SYNE1: variants seen among roughly 807,000 people sequenced by gnomAD.
SYNE1 encodes the protein nesprin-1.
SYNE1 carries 616 observed loss-of-function variants against 1,111.0 expected under a neutral mutation model. That is an observed-to-expected ratio of 0.55 (90% CI 0.52 to 0.59). The LOEUF is 0.59. SYNE1 is among the 20% of genes least tolerant of loss of function. The probability of loss-of-function intolerance (pLI) is 0.00; values close to 1 mark genes in which losing one functional copy is unlikely to be tolerated. For synonymous variants in SYNE1, 3,855 were observed against 3,825.8 expected (o/e 1.01, Z -0.28); for missense variants, 10,006 against 10,417.0 (o/e 0.96, Z 1.72).
chr6:152,390,499 CTTCTATTTT>C, intron 52 of SYNE1, 47 bp from the exon 53 acceptor site: 1 of 1,592,614 alleles, frequency 6.3e-7, no homozygotes, highest in Admixed American at 1.7e-5. Flanking sequence ...TAAAAACCTT[CTTCTATTTT>C]AAAAAAATGG....
intron 87 of SYNE1, among the ~76,000 whole-genome samples, chr6:152,314,917 A>ACCTCG (rs879886989): frequency 0.46 from 59,515 of 128,580 alleles, 13,819 homozygotes; most frequent in Admixed American, 0.57. Flanking sequence ...GCTCACTGCA[A>ACCTCG]TGATGACGAG....
At chr6:152,337,239 AT>A (rs1401515070) in intron 75 of SYNE1, among the ~76,000 whole-genome samples, 3 of 152,134 alleles carry the variant, frequency 2.0e-5, no homozygotes, top group Middle Eastern at 3.4e-3. Flanking sequence ...AAGACTTTAA[AT>A]GTCTACAAGT....
chr6:152,345,798 TA>T (rs1224851580), intron 73 of SYNE1, among the ~76,000 whole-genome samples: 13 of 152,222 alleles, frequency 8.5e-5, no homozygotes, highest in Admixed American at 7.2e-4. Context: ...TTACCTATTT[TA>T]GTAAGTTTTT....
intron 39 of SYNE1, among the ~76,000 whole-genome samples, chr6:152,421,388 T>C (rs961154993): frequency 1.3e-5 from 2 of 152,160 alleles, no homozygotes; most frequent in Non-Finnish European, 2.9e-5. Context: ...ATCACTAATC[T>C]TGCTGCACTT....
chr6:152,135,142 C>T lies in SYNE1; in HGVS notation c.25750G>A (p.Asp8584Asn), dbSNP rs771414572. The T allele has an allele frequency of 6.2e-7, 1 of 1,614,124 alleles. No homozygotes were observed. Among genetic ancestry groups the T allele is most frequent in the Admixed American group, 1.7e-5 (1 of 60,020 alleles). ...TGATGGTCCTGAAGTATCTCTGCAT[C>T]AAGGTTAGAATCAATAGGGACAATT... ...NEIVPIDSNLDAEILQDHHKQ... is the reference protein window; with the variant it reads ...NEIVPIDSNLNAEILQDHHKQ... Residue 8584 changes from aspartate (D) to asparagine (N), a missense_variant, in exon 142 of 146, where the codon GAT (aspartate) becomes AAT (asparagine). Coordinates refer to ENST00000367255, the MANE Select transcript of SYNE1 (RefSeq NM_182961.4).
intron 137 of SYNE1, chr6:152,147,314 T>C (rs1391836889): frequency 2.0e-5 from 3 of 152,294 alleles, no homozygotes; most frequent in Non-Finnish European, 4.4e-5. Flanking sequence ...CCGCTGAATA[T>C]GCCCTTCTCC....
At chr6:152,408,555 T>G (rs572146368) in intron 44 of SYNE1, among the ~76,000 whole-genome samples, 1 of 152,284 alleles carries the variant, frequency 6.6e-6, no homozygotes, top group East Asian at 1.9e-4. Context: ...CCCAAAAGTC[T>G]GAGAATAAGT....
At position 152,151,634 on chromosome 6, in the gene SYNE1, C is replaced by A; in HGVS notation, c.24369G>T (p.Trp8123Cys). The A allele has an allele frequency of 6.2e-7, 1 of 1,614,108 alleles. No homozygotes were observed. Among genetic ancestry groups the A allele is most frequent in the Non-Finnish European group, 8.5e-7 (1 of 1,180,020 alleles). Residue 8123 changes from tryptophan to cysteine, a missense_variant, in exon 135 of 146, where the codon TGG becomes TGT. Physicochemically the swap from Trp to Cys is radical, Grantham distance 215. This residue lies in a region of SYNE1 where 34 missense variants were observed against 68.3 expected (regional missense o/e 0.50). Transcript: ENST00000367255. ...TGAGCTGCAGATCCATCTCTGTGAG[C>A]CAGACCAGAATGCTGTCCCGCGCAG... ...FETARDSILV[W>C]LTEMDLQLTN...
chr6:152,213,950 C>T (rs531225394), intron 122 of SYNE1, among the ~76,000 whole-genome samples, 191 bp from the exon 123 acceptor site: 5 of 152,166 alleles, frequency 3.3e-5, no homozygotes, highest in Non-Finnish European at 4.4e-5. Context: ...CCTGTAATCC[C>T]AACACTTTGG....
intron 128 of SYNE1, among the ~76,000 whole-genome samples, chr6:152,183,273 C>T (rs1447158529): frequency 1.3e-5 from 2 of 152,094 alleles, no homozygotes; most frequent in African/African-American, 4.8e-5. Flanking sequence ...CAATTGATGG[C>T]CAAACTGAAA....
At chr6:152,341,716 A>G (rs1042455408) in intron 74 of SYNE1, among the ~76,000 whole-genome samples, 1 of 152,200 alleles carries the variant, frequency 6.6e-6, no homozygotes. Context: ...TCAATTTTAC[A>G]TGAACACAGT....
rs915112887 is a variant in SYNE1, at chr6:152,613,246, ACC to A, written c.67+15017_67+15018del. 1.9e-4 allele frequency among the ~76,000 whole-genome samples: 29 copies of A among 152,106 alleles called. 1 individual carries two copies. The highest frequency in any genetic ancestry group is 6.8e-4 in the African/African-American group (28 of 41,474). ...GATGACATGATTGTATATTTAGAAAACCCCATCATCTCAGCCCCAAATCTCCT... is the reference window on the plus strand; with the variant it reads ...GATGACATGATTGTATATTTAGAAAACCATCATCTCAGCCCCAAATCTCCT... On this transcript the variant is annotated intron_variant, in intron 3 of 145. Coordinates refer to ENST00000367255, the MANE Select transcript of SYNE1 (RefSeq NM_182961.4).
chr6:152,207,563 G>A (rs1298616924), intron 125 of SYNE1, among the ~76,000 whole-genome samples: 1 of 152,164 alleles, frequency 6.6e-6, no homozygotes, highest in Non-Finnish European at 1.5e-5. Flanking sequence ...TGAAGGTAAG[G>A]GGCAACCTGG....
intron 58 of SYNE1, among the ~76,000 whole-genome samples, chr6:152,373,570 A>G (rs1042465966): frequency 2.6e-5 from 4 of 152,196 alleles, no homozygotes; most frequent in South Asian, 2.1e-4. Context: ...GTGAGCCACC[A>G]CACCCACCTT....
intron 47 of SYNE1, 118 bp downstream of exon 47, chr6:152,401,020 G>T (rs527520937): frequency 2.2e-6 from 2 of 908,934 alleles, no homozygotes; most frequent in East Asian, 2.6e-5. Context: ...TAAATAAGTT[G>T]GTCTGGTGTT....
rs534468245 is a variant in SYNE1 at position 152,277,188 on chromosome 6, C to A, written c.18573+901G>T. ...TACAGGTGTGAGCCACCGCACCTGGCCTGTGTACTTTTTATCCTATCCGTT... is the reference window on the plus strand; with the variant it reads ...TACAGGTGTGAGCCACCGCACCTGGACTGTGTACTTTTTATCCTATCCGTT... On this transcript the variant is annotated intron_variant, in intron 98 of 145. Transcript: ENST00000367255. 4.6e-5 allele frequency among the ~76,000 whole-genome samples: 7 copies of A among 151,010 alleles called. No homozygotes were observed. The East Asian group carries it at 1.2e-3, about 25-fold the overall frequency.
intron 3 of SYNE1, among the ~76,000 whole-genome samples, chr6:152,604,972 GAAAGAAAGAAAGAAA>G: frequency 6.4e-5 from 1 of 15,662 alleles, no homozygotes; most frequent in Non-Finnish European, 1.2e-4. Flanking sequence ...AAGAAAGAAA[GAAAGAAAGAAAGAAA>G]GAAAGAAAGA....
intron 12 of SYNE1, among the ~76,000 whole-genome samples, chr6:152,485,668 C>G (rs2098935230): frequency 6.6e-6 from 1 of 151,986 alleles, no homozygotes; most frequent in African/African-American, 2.4e-5. Context: ...ACTAAATTAA[C>G]CCATCCTAAA....
intron 3 of SYNE1, among the ~76,000 whole-genome samples, chr6:152,587,853 G>A (rs2099545664): frequency 6.6e-6 from 1 of 152,110 alleles, no homozygotes; most frequent in African/African-American, 2.4e-5. Flanking sequence ...TAAAACCATT[G>A]TCCGGAAGAA....
Sources: gnomAD v4.1 joint callset for allele counts (sites outside exome capture counted in the v4.1 genomes callset) on GRCh38, gnomAD v4.1.1 for gene constraint, gnomAD v4.1.1 regional missense constraint, MANE v1.5 for transcripts, NCBI Gene and HGNC (gene_info 2026-07-23, HGNC 2026-07-21) for gene names.